DAB1: variants seen among roughly 807,000 people sequenced by gnomAD.
DAB1 encodes DAB adaptor protein 1.
DAB1 carries 15 observed loss-of-function variants against 64.6 expected under a neutral mutation model. That is an observed-to-expected ratio of 0.23 (90% CI 0.16 to 0.36). The LOEUF is 0.36. Among genes scored for constraint, DAB1 ranks in the 10% least tolerant of loss-of-function variants. The pLI, the probability that DAB1 is intolerant of heterozygous loss-of-function variation, is 1.00. For missense variants in DAB1, 596 were observed against 706.7 expected (o/e 0.84, Z 1.78); for synonymous variants, 235 against 251.9 (o/e 0.93, Z 0.64).
In DAB1 at chr1:57,086,644, AACACACAC is replaced by A. The variant is rs368060919; in HGVS notation, c.307-14238_307-14231del. Among the ~76,000 whole-genome samples, 172 of 118,610 alleles carry A rather than the reference AACACACAC, an allele frequency of 1.5e-3. 2 individuals are homozygous for A. The highest frequency in any genetic ancestry group is 5.1e-3 in the East Asian group (19 of 3,754). The allele number at this position is 118,610 out of a possible 152,430, so 77.8% of individuals were successfully genotyped here. ...AACAGGTGACAGGGGTTCTGTCTTA[AACACACAC>A]ACACACACACACACACACACACACA... On this transcript the variant is annotated intron_variant, in intron 4 of 14. Coordinates refer to ENST00000371236, the MANE Select transcript of DAB1 (RefSeq NM_001365792.1).
At chr1:57,400,066 G>A (rs1049116066) in intron 1 of DAB1, among the ~76,000 whole-genome samples, 4 of 152,150 alleles carry the variant, frequency 2.6e-5, no homozygotes, top group Admixed American at 6.5e-5. Context: ...AGATAAGAGG[G>A]CCTTTGGAAT....
At chr1:57,068,056 C>T (rs1412815901) in intron 8 of DAB1, among the ~76,000 whole-genome samples, 1 of 152,064 alleles carries the variant, frequency 6.6e-6, no homozygotes, top group African/African-American at 2.4e-5. Context: ...CCTCCCCACC[C>T]CGCCCCCACT....
intron 5 of DAB1, among the ~76,000 whole-genome samples, chr1:58,137,286 G>A (rs889059802): frequency 1.3e-5 from 2 of 152,150 alleles, no homozygotes; most frequent in African/African-American, 4.8e-5. Context: ...TAAATAACTT[G>A]CCTTAGGGCA....
chr1:58,111,131 C>T (rs1651944006), intron 5 of DAB1, among the ~76,000 whole-genome samples: 1 of 152,172 alleles, frequency 6.6e-6, no homozygotes, highest in African/African-American at 2.4e-5. Flanking sequence ...GCACAAGTCT[C>T]TGCAAATTCA....
intron 4 of DAB1, among the ~76,000 whole-genome samples, chr1:58,177,006 C>T (rs1656520337): frequency 6.6e-6 from 1 of 151,526 alleles, no homozygotes; most frequent in African/African-American, 2.4e-5. Flanking sequence ...TCCCACCTCT[C>T]AACACTGTTA....
intron 3 of DAB1, among the ~76,000 whole-genome samples, chr1:58,459,937 C>T (rs1305291285): frequency 6.6e-6 from 1 of 152,148 alleles, no homozygotes; most frequent in African/African-American, 2.4e-5. Context: ...GAGATCATGC[C>T]ACTGCACTCC....
intron 6 of DAB1, among the ~76,000 whole-genome samples, chr1:57,763,779 C>T (rs2101821210): frequency 6.6e-6 from 1 of 152,246 alleles, no homozygotes; most frequent in South Asian, 2.1e-4. Context: ...TCTGAATCCC[C>T]TGTACAGTAA....
intron 6 of DAB1, among the ~76,000 whole-genome samples, chr1:57,817,029 G>T (rs1415134325): frequency 1.3e-5 from 2 of 151,994 alleles, no homozygotes; most frequent in Non-Finnish European, 2.9e-5. Context: ...ATCTTCATAG[G>T]CTTACTCAGC....
In DAB1 at chr1:57,014,875, G is replaced by T. The variant is rs183171115; in HGVS notation, c.1444+8C>A. The stretch of plus-strand genomic sequence containing the variant: ...TTGGGTTTTATGTCTTAAGTGAGGG[G>T]CACTCACGTGAGTTGGTCGATGGTG... On this transcript the variant is annotated splice_region_variant and intron_variant, in intron 12 of 14. Coordinates refer to ENST00000371236, the MANE Select transcript of DAB1 (RefSeq NM_001365792.1). 9.9e-5 allele frequency: 153 copies of T among 1,541,990 alleles called. No homozygotes were observed. In the African/African-American group the frequency reaches 1.5e-3, roughly 15 times the overall value.
At chr1:57,794,400 T>G (rs575123947) in intron 6 of DAB1, among the ~76,000 whole-genome samples, 26 of 152,332 alleles carry the variant, frequency 1.7e-4, no homozygotes, top group Non-Finnish European at 2.9e-4. Context: ...CTGTATTGCT[T>G]CTTGTTTTCT....
intron 4 of DAB1, among the ~76,000 whole-genome samples, chr1:57,113,462 C>T (rs1364138726): frequency 6.6e-6 from 1 of 152,036 alleles, no homozygotes; most frequent in East Asian, 1.9e-4. Context: ...TGCAAAGGAC[C>T]AGACAATAAA....
At chr1:58,216,038 A>T (rs1307539044) in intron 4 of DAB1, among the ~76,000 whole-genome samples, 1 of 152,060 alleles carries the variant, frequency 6.6e-6, no homozygotes, top group African/African-American at 2.4e-5. Context: ...TTTTATTATT[A>T]TTTTTATTAT....
At chr1:57,969,933 G>A (rs1015749637) in intron 5 of DAB1, among the ~76,000 whole-genome samples, 5 of 151,942 alleles carry the variant, frequency 3.3e-5, no homozygotes, top group African/African-American at 2.4e-5. Context: ...GTATTAAGAG[G>A]TGGGGCCTTT....
intron 7 of DAB1, among the ~76,000 whole-genome samples, chr1:57,455,426 G>T (rs974831287): frequency 6.6e-6 from 1 of 152,120 alleles, no homozygotes; most frequent in African/African-American, 2.4e-5. Flanking sequence ...CTGGAGCCTT[G>T]TCTCTTAATT....
At chr1:58,347,297 G>A (rs1411750339) in intron 3 of DAB1, among the ~76,000 whole-genome samples, 1 of 152,066 alleles carries the variant, frequency 6.6e-6, no homozygotes, top group Non-Finnish European at 1.5e-5. Flanking sequence ...TAGTAGAGAT[G>A]GTGTTTCACC....
At chr1:57,638,377 T>A (rs1558564681) in intron 7 of DAB1, among the ~76,000 whole-genome samples, 1 of 152,204 alleles carries the variant, frequency 6.6e-6, no homozygotes, top group Non-Finnish European at 1.5e-5. Flanking sequence ...TTTTCAGCAG[T>A]TCTGGGCGAG....
intron 7 of DAB1, among the ~76,000 whole-genome samples, chr1:57,574,148 G>A (rs1645222629): frequency 6.6e-6 from 1 of 152,216 alleles, no homozygotes; most frequent in African/African-American, 2.4e-5. Flanking sequence ...ATACCCAGGT[G>A]AAGTGGACAT....
chr1:57,755,953 G>A (rs1162897001), intron 6 of DAB1, among the ~76,000 whole-genome samples: 1 of 152,138 alleles, frequency 6.6e-6, no homozygotes, highest in East Asian at 1.9e-4. Context: ...TGTGCAATGA[G>A]GTAGGATCGA....
At chr1:58,352,236 C>T (rs1222967398) in intron 3 of DAB1, among the ~76,000 whole-genome samples, 3 of 152,106 alleles carry the variant, frequency 2.0e-5, no homozygotes, top group African/African-American at 7.2e-5. Flanking sequence ...TCCCCTGCCT[C>T]CTCTAAATTA....
Sources: gnomAD v4.1 joint callset for allele counts (sites outside exome capture counted in the v4.1 genomes callset) on GRCh38, gnomAD v4.1.1 for gene constraint, MANE v1.5 for transcripts, NCBI Gene and HGNC (gene_info 2026-07-23, HGNC 2026-07-21) for gene names.